Variants in CSNK1G1 observed in about 807,000 individuals in gnomAD.
The protein encoded by CSNK1G1 is casein kinase 1 gamma 1.
A neutral mutation model predicts 59.6 loss-of-function variants in CSNK1G1; 22 were observed. The ratio of observed to expected loss-of-function variants is 0.37; its 90% confidence interval spans 0.26 to 0.53. The LOEUF (loss-of-function observed/expected upper bound fraction) is 0.53. Ranked by LOEUF, CSNK1G1 falls within the 20% of genes least tolerant of loss-of-function variation. CSNK1G1 has a pLI of 0.89. For synonymous variants in CSNK1G1, 179 were observed against 177.1 expected (o/e 1.01, Z -0.08); for missense variants, 384 against 519.5 (o/e 0.74, Z 2.54).
At chr15:64,274,105 C>T (rs1596198629) in intron 2 of CSNK1G1, among the ~76,000 whole-genome samples, 1 of 152,192 alleles carries the variant, frequency 6.6e-6, no homozygotes, top group East Asian at 1.9e-4. Context: ...CTTGCGTTTA[C>T]TTAATTTCTC....
intron 4 of CSNK1G1, among the ~76,000 whole-genome samples, chr15:64,218,003 A>G (rs1017232769): frequency 6.6e-6 from 1 of 152,156 alleles, no homozygotes; most frequent in Non-Finnish European, 1.5e-5. Flanking sequence ...GCTGGAGTGC[A>G]GTGGTAAGAT....
At chr15:64,285,858 G>A (rs1287511081) in intron 2 of CSNK1G1, among the ~76,000 whole-genome samples, 5 of 150,896 alleles carry the variant, frequency 3.3e-5, no homozygotes, top group African/African-American at 1.2e-4. Flanking sequence ...TCTCCAAGAA[G>A]GGGAAAAAAA....
Position 64,171,610 on chromosome 15 carries a change from A to G in CSNK1G1, c.*321T>C, listed in dbSNP as rs1457944096. ...GAGTAAACTAAGGGGAAGAAGGAGA[A>G]TAGCAGTCCTTGAGTTTTTGTGAAT... is the stretch of plus-strand genomic sequence containing the variant. On this transcript the variant is annotated 3_prime_UTR_variant, in exon 12 of 12. Coordinates refer to ENST00000303052, the MANE Select transcript of CSNK1G1 (RefSeq NM_022048.5). This position sits in a 1 kb window ranked among gnomAD's most constrained non-coding sequence, Gnocchi z 4.8. 13 of 379,672 alleles carry G rather than the reference A, an allele frequency of 3.4e-5. No homozygotes were observed. The South Asian group carries it at 4.1e-4, about 12-fold the overall frequency. The allele number at this position is 379,672 out of a possible 1,614,324, so 23.5% of individuals were successfully genotyped here.
intron 4 of CSNK1G1, among the ~76,000 whole-genome samples, chr15:64,231,229 G>A (rs1314974142): frequency 3.3e-5 from 5 of 149,926 alleles, no homozygotes; most frequent in Non-Finnish European, 5.9e-5. Flanking sequence ...AGGAAGCTGG[G>A]GTAGGAGAAT....
intron 11 of CSNK1G1, among the ~76,000 whole-genome samples, chr15:64,173,619 C>CTTTT (rs928192194): frequency 1.9e-3 from 205 of 108,516 alleles, no homozygotes; most frequent in African/African-American, 3.4e-3. Context: ...CTTTTCTTTT[C>CTTTT]TTTTTTTTTT....
intron 4 of CSNK1G1, among the ~76,000 whole-genome samples, chr15:64,234,195 T>C (rs895008685): frequency 3.9e-5 from 6 of 152,142 alleles, no homozygotes; most frequent in African/African-American, 9.7e-5. Flanking sequence ...TGCTCAGATA[T>C]TTTCAAACAC....
intron 4 of CSNK1G1, among the ~76,000 whole-genome samples, chr15:64,251,057 C>T (rs1479277351): frequency 6.6e-6 from 1 of 152,156 alleles, no homozygotes; most frequent in Non-Finnish European, 1.5e-5. Context: ...ATATGGATAG[C>T]TCTTGCAAAT....
At chr15:64,286,742 T>C (rs1340635610) in intron 2 of CSNK1G1, among the ~76,000 whole-genome samples, 1 of 152,144 alleles carries the variant, frequency 6.6e-6, no homozygotes, top group African/African-American at 2.4e-5. Flanking sequence ...TAGCCTTTTA[T>C]TTGAAAGAGG....
At chr15:64,181,406 A>G in intron 10 of CSNK1G1, 1 of 1,533,052 alleles carries the variant, frequency 6.5e-7, no homozygotes, top group Non-Finnish European at 8.7e-7. Context: ...GCTGGACAAA[A>G]CACTCTGCTT....
At chr15:64,202,015 A>G (rs2082115914) in intron 10 of CSNK1G1, among the ~76,000 whole-genome samples, 1 of 152,216 alleles carries the variant, frequency 6.6e-6, no homozygotes, top group South Asian at 2.1e-4. Flanking sequence ...TCCCAAATAC[A>G]TAAGCCCTTT....
chr15:64,348,517 C>G (rs1447321501), intron 1 of CSNK1G1: 1 of 152,074 alleles, frequency 6.6e-6, no homozygotes, highest in Non-Finnish European at 1.5e-5. Flanking sequence ...CATACACAAT[C>G]TCAAAGAGTA....
At chr15:64,271,490 T>C (rs6494471) in intron 2 of CSNK1G1, among the ~76,000 whole-genome samples, 2,302 of 152,132 alleles carry the variant, frequency 0.015, 50 homozygotes, top group African/African-American at 0.046. Flanking sequence ...GGTCTCGCCA[T>C]GTTGCCCAGG....
rs565700091 is a variant in CSNK1G1, at chr15:64,170,713, C to T, written c.*1218G>A. 13 of 152,636 alleles carry T rather than the reference C, an allele frequency of 8.5e-5. No homozygotes were observed. The highest frequency in any genetic ancestry group is 3.1e-4 in the African/African-American group (13 of 41,526). 9.5% of individuals were successfully genotyped at this position (152,636 alleles called of 1,614,324 possible). A position where few individuals can be genotyped will look rare whatever the true frequency, so the allele number is the denominator to read the frequency against. On this transcript the variant is annotated 3_prime_UTR_variant, in exon 12 of 12. Transcript: ENST00000303052. Reference sequence around the variant, plus strand: ...ATCACTAATTTTTCCCCCAAGTCACCAGGACGTCACATGGCTATCTAGTTG... The same window carrying T: ...ATCACTAATTTTTCCCCCAAGTCACTAGGACGTCACATGGCTATCTAGTTG...
rs746510169 is a variant in CSNK1G1 at position 64,214,107 on chromosome 15, G to A, written c.462C>T (p.Tyr154=). ...IAIQLLSRME[Y]VHSKNLIYRD... ...GGTAAATGAGGTTCTTTGAGTGCAC[G>A]TATTCCATTCGAGAAAGCTGAAAGA... The change falls in exon 6 of 12, where the codon TAC becomes TAT. Residue 154 remains tyrosine (Y), a synonymous_variant. Coordinates refer to ENST00000303052, the MANE Select transcript of CSNK1G1 (RefSeq NM_022048.5). This position sits in a 1 kb window ranked among gnomAD's most constrained non-coding sequence, Gnocchi z 4.3. The A allele has an allele frequency of 9.9e-6, 16 of 1,612,828 alleles. No homozygotes were observed. In the Admixed American group the frequency reaches 1.2e-4, roughly 12 times the overall value.
chr15:64,335,135 A>G (rs74492039), intron 1 of CSNK1G1, among the ~76,000 whole-genome samples: 6,528 of 152,316 alleles, frequency 0.043, 155 homozygotes, highest in South Asian at 0.079. Flanking sequence ...CTGTGTGAGA[A>G]GGGTAGCCTA....
intron 4 of CSNK1G1, among the ~76,000 whole-genome samples, chr15:64,223,604 G>T (rs539833213): frequency 6.6e-6 from 1 of 152,268 alleles, no homozygotes; most frequent in South Asian, 2.1e-4. Flanking sequence ...GGAAACTAAA[G>T]AAGTGACTAC....
intron 2 of CSNK1G1, among the ~76,000 whole-genome samples, chr15:64,277,943 TAATA>T: frequency 6.9e-6 from 1 of 144,870 alleles, no homozygotes; most frequent in Middle Eastern, 3.6e-3. Flanking sequence ...AATAATATAT[TAATA>T]TTGATATAGT....
At chr15:64,321,806 T>G (rs1896579721) in intron 1 of CSNK1G1, among the ~76,000 whole-genome samples, 1 of 152,140 alleles carries the variant, frequency 6.6e-6, no homozygotes, top group Non-Finnish European at 1.5e-5. Flanking sequence ...TTTCCCTGAG[T>G]AAGACTTTCC....
chr15:64,292,204 C>T (rs1217028061), intron 2 of CSNK1G1, among the ~76,000 whole-genome samples: 2 of 145,092 alleles, frequency 1.4e-5, no homozygotes, highest in East Asian at 4.0e-4. Flanking sequence ...AGCGAGACTC[C>T]GTCACAAAAA....
Sources: allele counts gnomAD v4.1 joint callset (sites outside exome capture counted in the v4.1 genomes callset), GRCh38; gene constraint gnomAD v4.1.1; non-coding constraint Gnocchi (gnomAD v3.1); transcripts MANE v1.5; gene names NCBI Gene and HGNC (gene_info 2026-07-23, HGNC 2026-07-21).